SMG1: variants seen among roughly 807,000 people sequenced by gnomAD.
SMG1 encodes serine/threonine-protein kinase SMG1.
Under a neutral mutation model 419.9 loss-of-function variants are expected in SMG1, and 22 were observed. The ratio of observed to expected loss-of-function variants is 0.05; its 90% CI spans 0.04 to 0.07. The LOEUF is 0.07. Ranked by LOEUF, SMG1 falls within the 10% of genes least tolerant of loss-of-function variation. SMG1 has a pLI of 1.00. For synonymous variants in SMG1, 1,538 were observed against 1,553.5 expected, an observed-to-expected ratio of 0.99 and a Z score of 0.23; for missense variants, 3,185 against 4,342.0, an observed-to-expected ratio of 0.73 and a Z score of 7.49.
At chr16:18,849,516 T>G (rs1254240805) in intron 35 of SMG1, 138 bp from the exon 36 acceptor site, 2 of 837,558 alleles carry the variant, frequency 2.4e-6, no homozygotes, top group Non-Finnish European at 3.6e-6. Context: ...TTTCTCCCTG[T>G]GATAATAAAG....
chr16:18,890,841 T>C, intron 5 of SMG1, 22 bp downstream of exon 5: 2 of 1,452,822 alleles, frequency 1.4e-6, no homozygotes, highest in Non-Finnish European at 9.7e-7. Context: ...TCATTTAAAC[T>C]GAACCATTAT....
chr16:18,903,934 C>CTTTT lies in SMG1; in HGVS notation c.93-6982_93-6979dup, dbSNP rs71141091. ...CCCCATTTTCCAAGGTATGTCTTGTCTTTTTTTTTTTTTTTTTTTTTGAGA... is the reference window on the plus strand; with the variant it reads ...CCCCATTTTCCAAGGTATGTCTTGTCTTTTTTTTTTTTTTTTTTTTTTTTTGAGA... On this transcript the variant is annotated intron_variant, in intron 1 of 62. Coordinates refer to ENST00000446231, the MANE Select transcript of SMG1 (RefSeq NM_015092.5). Among the ~76,000 whole-genome samples, 558 of 99,808 alleles carry CTTTT rather than the reference C, an allele frequency of 5.6e-3. 7 individuals are homozygous for CTTTT. The highest frequency in any genetic ancestry group is 8.1e-3 in the Middle Eastern group (1 of 124). The allele number at this position is 99,808 out of a possible 152,430, so 65.5% of individuals were successfully genotyped here. A position where few individuals can be genotyped will look rare whatever the true frequency, so the allele number is the denominator to read the frequency against.
chr16:18,874,883 A>G (rs1407064800), intron 13 of SMG1, among the ~76,000 whole-genome samples: 1 of 85,844 alleles, frequency 1.2e-5, no homozygotes, highest in African/African-American at 4.2e-5. Context: ...AAAAAAAAAA[A>G]AAAAAAAAAA....
chr16:18,912,555 C>T (rs1323299276), intron 1 of SMG1, among the ~76,000 whole-genome samples: 1 of 151,940 alleles, frequency 6.6e-6, no homozygotes, highest in Non-Finnish European at 1.5e-5. Flanking sequence ...AGTAAGATTA[C>T]AATGAAAATG....
In SMG1 at chr16:18,892,364, T is replaced by A. The variant is rs945673137; in HGVS notation, c.413-10A>T. On this transcript the variant is annotated splice_polypyrimidine_tract_variant and intron_variant, in intron 3 of 62. Coordinates refer to ENST00000446231, the MANE Select transcript of SMG1 (RefSeq NM_015092.5). ...TAAGACATCGATCTCTCTGTGAATA[T>A]ATAAACATTTTGTTGTCCATTGAGT... is the stretch of plus-strand genomic sequence containing the variant. 6.5e-7 allele frequency: 1 copy of A among 1,546,724 alleles called. No homozygotes were observed. Among genetic ancestry groups the A allele is most frequent in the Non-Finnish European group, 8.7e-7 (1 of 1,144,578 alleles).
chr16:18,852,194 CCTT>C lies in SMG1; in HGVS notation c.4922_4924del (p.Glu1641del). On this transcript the variant is annotated inframe_deletion, in exon 33 of 63. Transcript: ENST00000446231. The stretch of plus-strand genomic sequence containing the variant: ...TTTTTCTCTAGGCAGCAGACGAACA[CCTT>C]CTCCCTGACTATAAAAATAAACAAG... 6.2e-7 allele frequency: 1 copy of C among 1,613,206 alleles called. No homozygotes were observed.
intron 1 of SMG1, among the ~76,000 whole-genome samples, chr16:18,920,268 T>C (rs1157729237): frequency 6.6e-6 from 1 of 151,028 alleles, no homozygotes; most frequent in East Asian, 2.0e-4. Flanking sequence ...GGTAATCTGA[T>C]CTACTTAGGA....
chr16:18,847,063 T>C (rs1001266373), intron 38 of SMG1, among the ~76,000 whole-genome samples: 6 of 826 alleles, frequency 7.3e-3, no homozygotes, highest in Non-Finnish European at 8.9e-3. Flanking sequence ...AAAAATGAAA[T>C]TATATCACGT....
At chr16:18,852,515 A>C in intron 31 of SMG1, 53 bp from the exon 32 acceptor site, 1 of 1,361,978 alleles carries the variant, frequency 7.3e-7, no homozygotes, top group Non-Finnish European at 9.6e-7. Context: ...ACAATGTTAC[A>C]TTCATAAATT....
chr16:18,845,355 C>T (rs2034197861), intron 39 of SMG1, 74 bp downstream of exon 39: 1 of 1,266,978 alleles, frequency 7.9e-7, no homozygotes, highest in Non-Finnish European at 1.1e-6. Context: ...GTAAGAAGTC[C>T]ACTTATTGAA....
chr16:18,829,815 T>G, intron 53 of SMG1, 60 bp from the exon 54 acceptor site: 1 of 1,488,476 alleles, frequency 6.7e-7, no homozygotes, highest in East Asian at 2.3e-5. Context: ...TGCTGCTTAT[T>G]TATAGTATTT....
intron 60 of SMG1, among the ~76,000 whole-genome samples, chr16:18,812,344 T>C (rs1023148641): frequency 1.4e-4 from 22 of 152,222 alleles, no homozygotes; most frequent in African/African-American, 5.1e-4. Context: ...TTACTAGGCT[T>C]GTGGCATCAA....
rs1567360416 is a variant in SMG1, at chr16:18,847,800, G to GT, written c.5841+15dup. 6.2e-7 allele frequency: 1 copy of GT among 1,608,492 alleles called. No homozygotes were observed. Among genetic ancestry groups the GT allele is most frequent in the South Asian group, 1.1e-5 (1 of 90,076 alleles). On this transcript the variant is annotated intron_variant, in intron 37 of 62. Transcript: ENST00000446231. ...TCTATAAAAAATTCTTCTACAACATGTGAGTTTCTTTGTACCTGTAATACC... is the reference window on the plus strand; with the variant it reads ...TCTATAAAAAATTCTTCTACAACATGTTGAGTTTCTTTGTACCTGTAATACC...
intron 1 of SMG1, among the ~76,000 whole-genome samples, chr16:18,899,720 G>A (rs1284689331): frequency 6.6e-6 from 1 of 152,056 alleles, no homozygotes; most frequent in Non-Finnish European, 1.5e-5. Flanking sequence ...CAAGAAGCAG[G>A]CATGAATGTT....
rs1297440691 is a variant in SMG1, at chr16:18,872,227, G to C, written c.2140C>G (p.Leu714Val). 2.5e-6 allele frequency: 4 copies of C among 1,577,712 alleles called. No homozygotes were observed. The African/African-American group carries it at 4.1e-5, about 16-fold the overall frequency. Residue 714 changes from leucine (L) to valine (V), a missense_variant, in exon 15 of 63, where the codon CTG becomes GTG. Coordinates refer to ENST00000446231, the MANE Select transcript of SMG1 (RefSeq NM_015092.5). ...TTATCTTTCTTAAGTAATATTCCCA[G>C]AAGATTTAATATAATTGAGAAATGT... Reference protein sequence around the residue: ...KKHFSIILNLLGILLKKDNLN... With the variant: ...KKHFSIILNLVGILLKKDNLN...
At chr16:18,836,578 T>C (rs2033588457) in intron 46 of SMG1, 46 bp from the exon 47 acceptor site, 1 of 1,595,234 alleles carries the variant, frequency 6.3e-7, no homozygotes, top group African/African-American at 1.3e-5. Flanking sequence ...ATTGCTGTTT[T>C]CTTCCACATA....
intron 60 of SMG1, among the ~76,000 whole-genome samples, chr16:18,814,757 T>C (rs566824044): frequency 3.3e-5 from 5 of 151,728 alleles, no homozygotes; most frequent in Non-Finnish European, 7.4e-5. Flanking sequence ...TTTGTATTTT[T>C]AGTAGAGACA....
intron 1 of SMG1, among the ~76,000 whole-genome samples, chr16:18,905,334 T>A (rs1469039774): frequency 4.6e-5 from 7 of 152,206 alleles, no homozygotes. Context: ...CCTGGACTCT[T>A]CGCAGACAAA....
intron 1 of SMG1, among the ~76,000 whole-genome samples, chr16:18,924,730 A>G (rs2038325316): frequency 6.6e-6 from 1 of 152,222 alleles, no homozygotes; most frequent in African/African-American, 2.4e-5. Flanking sequence ...ATCTAGTTAT[A>G]TACACCAATT....
Sources: gnomAD v4.1 joint callset for allele counts (sites outside exome capture counted in the v4.1 genomes callset) on GRCh38, gnomAD v4.1.1 for gene constraint, MANE v1.5 for transcripts, NCBI Gene and HGNC (gene_info 2026-07-23, HGNC 2026-07-21) for gene names.